TRAF3: variants seen among roughly 807,000 people sequenced by gnomAD.
TRAF3 encodes TNF receptor-associated factor 3.
A neutral mutation model predicts 62.3 loss-of-function variants in TRAF3; 13 were observed. The observed-to-expected ratio is 0.21, with a 90% confidence interval of 0.14 to 0.33. TRAF3 has a LOEUF of 0.33. Among genes scored for constraint, TRAF3 ranks in the 10% least tolerant of loss-of-function variants. The pLI, the probability that TRAF3 is intolerant of heterozygous loss-of-function variation, is 1.00. For missense variants in TRAF3, 440 were observed against 741.8 expected (o/e 0.59, Z 4.73); for synonymous variants, 269 against 283.4 (o/e 0.95, Z 0.51).
chr14:102,785,989 A>T (rs1275043680), intron 1 of TRAF3, among the ~76,000 whole-genome samples: 1 of 152,106 alleles, frequency 6.6e-6, no homozygotes, highest in African/African-American at 2.4e-5. Flanking sequence ...TGCATCTGGG[A>T]TAGGTCTCTA....
At chr14:102,846,987 A>G (rs1473580984) in intron 2 of TRAF3, among the ~76,000 whole-genome samples, 3 of 152,116 alleles carry the variant, frequency 2.0e-5, no homozygotes, top group Non-Finnish European at 4.4e-5. Flanking sequence ...CGGTATACAT[A>G]TGTTTTCTAT....
intron 2 of TRAF3, among the ~76,000 whole-genome samples, chr14:102,839,463 G>T (rs927347260): frequency 6.6e-6 from 1 of 152,000 alleles, no homozygotes; most frequent in Non-Finnish European, 1.5e-5. Context: ...CAAGTGATCC[G>T]CCCATCTTGG....
At position 102,793,007 on chromosome 14, in the gene TRAF3, G is replaced by C. The variant is rs538847703; in HGVS notation, c.-157+15332G>C. Among the ~76,000 whole-genome samples the C allele has an allele frequency of 3.9e-5, 6 of 152,010 alleles. No individual in the cohort carries two copies. In the East Asian group the frequency reaches 1.2e-3, roughly 30 times the overall value. On this transcript the variant is annotated intron_variant, in intron 1 of 11. Coordinates refer to ENST00000392745, the MANE Select transcript of TRAF3 (RefSeq NM_145725.3). ...GTATTTTTAGTAGCGACAGGGTTTT[G>C]CCATGTTGGCCAGGCTGGTCTCGAA... is the stretch of plus-strand genomic sequence containing the variant.
At position 102,911,232 on chromosome 14, in the gene TRAF3, C is replaced by T. The variant is rs1324855591; in HGVS notation, c.*5448C>T. On this transcript the variant is annotated 3_prime_UTR_variant, in exon 12 of 12. Transcript: ENST00000392745. Reference sequence around the variant, plus strand: ...TGTTTTCCGCTCTTCTAAGAAAAAACAAAAAGACCGTGAGTTATTGCCCAG... The same window carrying T: ...TGTTTTCCGCTCTTCTAAGAAAAAATAAAAAGACCGTGAGTTATTGCCCAG... The T allele has an allele frequency of 6.6e-6, 1 of 152,178 alleles. No individual in the cohort carries two copies. Among genetic ancestry groups the T allele is most frequent in the East Asian group, 1.9e-4 (1 of 5,200 alleles). The allele number at this position is 152,178 out of a possible 1,614,324, so 9.4% of individuals were successfully genotyped here.
In TRAF3 at chr14:102,802,931, A is replaced by G. The variant is rs548685551; in HGVS notation, c.-157+25256A>G. Among the ~76,000 whole-genome samples the G allele has an allele frequency of 8.5e-5, 13 of 152,316 alleles. No individual in the cohort carries two copies. In the East Asian group the frequency reaches 1.3e-3, roughly 16 times the overall value. On this transcript the variant is annotated intron_variant, in intron 1 of 11. Coordinates refer to ENST00000392745, the MANE Select transcript of TRAF3 (RefSeq NM_145725.3). Reference sequence around the variant, plus strand: ...CTGGGGAGGCCTCAGGAAACTTACAATCATGGTGGAAGGGGAAGCAAACAC... The same window carrying G: ...CTGGGGAGGCCTCAGGAAACTTACAGTCATGGTGGAAGGGGAAGCAAACAC...
chr14:102,894,998 G>A, intron 9 of TRAF3: 2 of 446,906 alleles, frequency 4.5e-6, no homozygotes, highest in Non-Finnish European at 9.0e-6. Flanking sequence ...CATCACAGCT[G>A]GCCTATTGAC....
intron 1 of TRAF3, among the ~76,000 whole-genome samples, chr14:102,812,448 G>A (rs575453857): frequency 2.6e-5 from 4 of 152,188 alleles, no homozygotes; most frequent in South Asian, 4.2e-4. Flanking sequence ...ATAGTGCTAC[G>A]GTAAATATGG....
chr14:102,858,086 T>C (rs1361695226), intron 2 of TRAF3, among the ~76,000 whole-genome samples: 2 of 151,908 alleles, frequency 1.3e-5, no homozygotes, highest in Non-Finnish European at 2.9e-5. Context: ...TGCAGTTAAC[T>C]CCTGTTCTAC....
At chr14:102,780,588 AG>A (rs1247586913) in intron 1 of TRAF3, among the ~76,000 whole-genome samples, 4 of 151,158 alleles carry the variant, frequency 2.6e-5, no homozygotes, top group Non-Finnish European at 5.9e-5. Context: ...GCTGGCAGGT[AG>A]TGGGATGTCA....
intron 1 of TRAF3, among the ~76,000 whole-genome samples, chr14:102,789,884 G>A (rs1897707339): frequency 6.6e-6 from 1 of 151,700 alleles, no homozygotes; most frequent in Non-Finnish European, 1.5e-5. Context: ...CAGTGGTGCA[G>A]TGGCATGATC....
chr14:102,879,516 C>A (rs1888919663), intron 6 of TRAF3, among the ~76,000 whole-genome samples: 1 of 152,054 alleles, frequency 6.6e-6, no homozygotes, highest in Admixed American at 6.6e-5. Flanking sequence ...ACCTCAGCCT[C>A]CCAAAGTGGT....
At position 102,839,208 on chromosome 14, in the gene TRAF3, G is replaced by GC. The variant is rs1321123591; in HGVS notation, c.-18+8738dup. 1.4e-3 allele frequency among the ~76,000 whole-genome samples: 127 copies of GC among 89,356 alleles called. 9 individuals are homozygous for GC. The Middle Eastern group carries it at 0.015, about 11-fold the overall frequency. 58.6% of individuals were successfully genotyped at this position (89,356 alleles called of 152,430 possible). A position where few individuals can be genotyped will look rare whatever the true frequency, so the allele number is the denominator to read the frequency against. ...AAGAGAGATGCTTATTGGTTGATTTGCCTTTTTTTTTTTTTTTTTTTTTTT... is the reference window on the plus strand; with the variant it reads ...AAGAGAGATGCTTATTGGTTGATTTGCCCTTTTTTTTTTTTTTTTTTTTTTT... On this transcript the variant is annotated intron_variant, in intron 2 of 11. Transcript: ENST00000392745.
Position 102,909,694 on chromosome 14 carries a change from C to T in TRAF3, c.*3910C>T, listed in dbSNP as rs4906272. 41,064 of 152,242 alleles carry T rather than the reference C, an allele frequency of 0.27. 6,868 individuals carry two copies. Among genetic ancestry groups the T allele is most frequent in the African/African-American group, 0.46 (19,127 of 41,472 alleles). The allele number at this position is 152,242 out of a possible 1,614,324, so 9.4% of individuals were successfully genotyped here. Reference sequence around the variant, plus strand: ...CCCCATGACCCCGTGTGGCCCAGCTCGGTGAGGATGCAGTTCTAGGCACAG... The same window carrying T: ...CCCCATGACCCCGTGTGGCCCAGCTTGGTGAGGATGCAGTTCTAGGCACAG... On this transcript the variant is annotated 3_prime_UTR_variant, in exon 12 of 12. Transcript: ENST00000392745.
intron 1 of TRAF3, among the ~76,000 whole-genome samples, chr14:102,788,967 T>C (rs1173715556): frequency 6.6e-6 from 1 of 152,118 alleles, no homozygotes; most frequent in Non-Finnish European, 1.5e-5. Flanking sequence ...GGAGAACCTA[T>C]CTCTTAAAAA....
chr14:102,788,224 A>G (rs541960547), intron 1 of TRAF3, among the ~76,000 whole-genome samples: 1 of 152,250 alleles, frequency 6.6e-6, no homozygotes, highest in East Asian at 1.9e-4. Flanking sequence ...TAGGTTCTCA[A>G]GTATTTGCAT....
chr14:102,841,284 CT>C (rs1886358525), intron 2 of TRAF3, among the ~76,000 whole-genome samples: 1 of 152,166 alleles, frequency 6.6e-6, no homozygotes, highest in African/African-American at 2.4e-5. Context: ...GAAGGGCCCC[CT>C]TGAGGCGTTG....
At chr14:102,893,922 T>C (rs1889864129) in intron 9 of TRAF3, among the ~76,000 whole-genome samples, 1 of 152,254 alleles carries the variant, frequency 6.6e-6, no homozygotes. Flanking sequence ...GAGATATTTA[T>C]GTTTACTTAA....
intron 1 of TRAF3, among the ~76,000 whole-genome samples, chr14:102,807,684 C>T (rs1476838832): frequency 6.6e-6 from 1 of 152,178 alleles, no homozygotes; most frequent in Non-Finnish European, 1.5e-5. Flanking sequence ...ATTTTTTCCT[C>T]ACCTTTCAGA....
chr14:102,833,158 C>CA (rs1435016119), intron 2 of TRAF3, among the ~76,000 whole-genome samples: 12 of 152,204 alleles, frequency 7.9e-5, no homozygotes, highest in Non-Finnish European at 1.6e-4. Context: ...TGTGGACTGT[C>CA]AGCTCTGTGA....
Sources: gnomAD v4.1 joint callset for allele counts (sites outside exome capture counted in the v4.1 genomes callset) on GRCh38, gnomAD v4.1.1 for gene constraint, MANE v1.5 for transcripts, NCBI Gene and HGNC (gene_info 2026-07-23, HGNC 2026-07-21) for gene names.